The following RALGAPB variants were observed in gnomAD, a reference collection of about 807,000 sequenced individuals.
RALGAPB encodes the protein ral GTPase-activating protein subunit beta.
In RALGAPB, 25 loss-of-function variants were observed where a neutral mutation model predicts 161.1. That is an observed-to-expected ratio of 0.16 (90% confidence interval 0.11 to 0.22). The LOEUF is 0.22. RALGAPB is among the 10% of genes least tolerant of loss of function. The probability of loss-of-function intolerance (pLI) is 1.00; values close to 1 mark genes in which losing one functional copy is unlikely to be tolerated. For missense variants in RALGAPB, 1,391 were observed against 1,815.2 expected (o/e 0.77, Z 4.25); for synonymous variants, 629 against 626.1 (o/e 1.00, Z -0.07).
At chr20:38,532,603 G>A in intron 14 of RALGAPB, 127 bp from the exon 15 acceptor site, 1 of 1,122,432 alleles carries the variant, frequency 8.9e-7, no homozygotes, top group Non-Finnish European at 1.3e-6. Flanking sequence ...GTCAATTTCT[G>A]TTACTATCAG....
chr20:38,536,561 G>A (rs527716252), intron 16 of RALGAPB, among the ~76,000 whole-genome samples: 24 of 152,292 alleles, frequency 1.6e-4, no homozygotes, highest in African/African-American at 5.8e-4. Flanking sequence ...GTTTTTCACA[G>A]TGACTGAATC....
At chr20:38,524,647 A>G (rs143844916) in intron 10 of RALGAPB, 131 bp from the exon 11 acceptor site, 9,267 of 700,644 alleles carry the variant, frequency 0.013, 124 homozygotes, top group South Asian at 0.035. Flanking sequence ...AGTAATTCCA[A>G]TAATGTCCTT....
rs745444282 is a variant in RALGAPB at position 38,517,488 on chromosome 20, CTTT to C, written c.1052-6_1052-4del. 1,335 of 1,315,220 alleles carry C rather than the reference CTTT, an allele frequency of 1.0e-3. 7 individuals are homozygous for C. The African/African-American group carries it at 0.018, about 18-fold the overall frequency. 81.5% of individuals were successfully genotyped at this position (1,315,220 alleles called of 1,614,324 possible). Reference sequence around the variant, plus strand: ...ACCTATGAAGAATAATTTCATTTGTCTTTTTTTTTTTTTTAAGGTATTTCTAGA... The same window carrying C: ...ACCTATGAAGAATAATTTCATTTGTCTTTTTTTTTTTAAGGTATTTCTAGA... On this transcript the variant is annotated splice_polypyrimidine_tract_variant and intron_variant, in intron 7 of 29. Transcript: ENST00000262879.
At chr20:38,498,507 T>G (rs916793166) in intron 4 of RALGAPB, among the ~76,000 whole-genome samples, 1 of 152,250 alleles carries the variant, frequency 6.6e-6, no homozygotes, top group Non-Finnish European at 1.5e-5. Flanking sequence ...GCAATGATAG[T>G]AATACTCTGT....
Position 38,562,566 on chromosome 20 carries a change from A to G in RALGAPB, c.3566A>G (p.Gln1189Arg). The G allele has an allele frequency of 2.5e-6, 4 of 1,613,146 alleles. No individual in the cohort carries two copies. The highest frequency in any genetic ancestry group is 3.4e-6 in the Non-Finnish European group (4 of 1,179,242). ...AATGTGGAGTCTTCCAGAACTGTTCAGCCACATTTCCTAGAATTTTTGCTT... is the reference window on the plus strand; with the variant it reads ...AATGTGGAGTCTTCCAGAACTGTTCGGCCACATTTCCTAGAATTTTTGCTT... The part of the protein sequence containing the change: ...LKNVESSRTV[Q>R]PHFLEFLLSL... Residue 1189 changes from glutamine (Q) to arginine (R), a missense_variant, in exon 24 of 30, where the codon CAG becomes CGG. This residue lies in a region of RALGAPB where 436 missense variants were observed against 527.0 expected (regional missense o/e 0.83). Transcript: ENST00000262879.
At chr20:38,478,723 TCTC>T (rs2084878131) in intron 1 of RALGAPB, among the ~76,000 whole-genome samples, 1 of 152,128 alleles carries the variant, frequency 6.6e-6, no homozygotes, top group African/African-American at 2.4e-5. Flanking sequence ...TTCAAGTGAT[TCTC>T]CTCCCTCAGC....
Position 38,493,037 on chromosome 20 carries a change from G to A in RALGAPB, c.294G>A (p.Val98=). ...ATACAGACTGGATTATGGCTTTAGT[G>A]TTGCCAAAAGATTCTATTCCATTGC... ...DVYTDWIMAL[V]LPKDSIPLPV... Residue 98 remains valine (V), a synonymous_variant, in exon 3 of 30, where the codon GTG becomes GTA. Coordinates refer to ENST00000262879, the MANE Select transcript of RALGAPB (RefSeq NM_020336.4). 6.2e-7 allele frequency: 1 copy of A among 1,611,434 alleles called. No individual in the cohort carries two copies. Among genetic ancestry groups the A allele is most frequent in the East Asian group, 2.2e-5 (1 of 44,756 alleles).
At chr20:38,523,675 G>T (rs1393514841) in intron 10 of RALGAPB, among the ~76,000 whole-genome samples, 1 of 152,180 alleles carries the variant, frequency 6.6e-6, no homozygotes, top group African/African-American at 2.4e-5. Context: ...TCAGTTGAGA[G>T]GTGTGGGTTA....
intron 10 of RALGAPB, 88 bp downstream of exon 10, chr20:38,521,786 T>A: frequency 7.6e-7 from 1 of 1,309,334 alleles, no homozygotes; most frequent in Non-Finnish European, 1.1e-6. Context: ...TGAGTGATGT[T>A]GGTCTGAAAT....
At chr20:38,551,036 C>T in intron 20 of RALGAPB, 35 bp from the exon 21 acceptor site, 2 of 1,606,802 alleles carry the variant, frequency 1.2e-6, no homozygotes, top group Non-Finnish European at 1.7e-6. Flanking sequence ...GTATTGGACC[C>T]TGTGTAATAA....
intron 3 of RALGAPB, among the ~76,000 whole-genome samples, chr20:38,496,362 G>A (rs2085427910): frequency 6.6e-6 from 1 of 152,126 alleles, no homozygotes; most frequent in Admixed American, 6.5e-5. Flanking sequence ...ATTTCTTGAG[G>A]AAACTCCCCA....
chr20:38,507,016 T>C (rs1366107463), intron 5 of RALGAPB, among the ~76,000 whole-genome samples: 1 of 152,192 alleles, frequency 6.6e-6, no homozygotes, highest in Non-Finnish European at 1.5e-5. Context: ...GGATGATTGC[T>C]TTAAAAAAAT....
Position 38,529,830 on chromosome 20 carries a change from G to A in RALGAPB, c.2051-1337G>A, listed in dbSNP as rs533438670. On this transcript the variant is annotated intron_variant, in intron 13 of 29. Coordinates refer to ENST00000262879, the MANE Select transcript of RALGAPB (RefSeq NM_020336.4). ...GACTCCAGCCTGGGTGACGGAGTGA[G>A]GCTCCATCTCAAAAAAAAGAAAATC... 2.6e-5 allele frequency among the ~76,000 whole-genome samples: 4 copies of A among 152,220 alleles called. No homozygotes were observed. In the East Asian group the frequency reaches 5.8e-4, roughly 22 times the overall value.
intron 23 of RALGAPB, among the ~76,000 whole-genome samples, chr20:38,560,739 G>A (rs993817440): frequency 6.6e-6 from 1 of 152,138 alleles, no homozygotes; most frequent in Non-Finnish European, 1.5e-5. Flanking sequence ...GAAGCTGAGG[G>A]TGACTAGGAA....
Position 38,546,119 on chromosome 20 carries a change from C to G in RALGAPB, c.2715-124C>G. ...CATTCACCACAAGGAGTAAATCTGA[C>G]CTGTCAAGAAGCATGGCTGTGGTCA... On this transcript the variant is annotated intron_variant, in intron 18 of 29. Transcript: ENST00000262879. 3 of 1,511,104 alleles carry G rather than the reference C, an allele frequency of 2.0e-6. No homozygotes were observed. In the South Asian group the frequency reaches 3.9e-5, roughly 19 times the overall value. 93.6% of individuals were successfully genotyped at this position (1,511,104 alleles called of 1,614,324 possible).
rs1199857410 is a variant in RALGAPB, at chr20:38,521,469, T to G, written c.1418-28T>G. 1.9e-6 allele frequency: 3 copies of G among 1,613,428 alleles called. No individual in the cohort carries two copies. In the African/African-American group the frequency reaches 4.0e-5, roughly 22 times the overall value. On this transcript the variant is annotated intron_variant, in intron 9 of 29. Coordinates refer to ENST00000262879, the MANE Select transcript of RALGAPB (RefSeq NM_020336.4). ...GAGCCTACGTGGCATATTGCAAATA[T>G]AATAAAACCCTCCTTTTCTCTCCCC...
chr20:38,574,289 C>G lies in RALGAPB; in HGVS notation c.4282C>G (p.Arg1428Gly), dbSNP rs749735910. 1 of 1,609,406 alleles carries G rather than the reference C, an allele frequency of 6.2e-7. No homozygotes were observed. The highest frequency in any genetic ancestry group is 1.1e-5 in the South Asian group (1 of 90,060). Residue 1428 changes from arginine to glycine, a missense_variant, in exon 29 of 30, where the codon CGA becomes GGA. Arg to Gly is a moderately radical substitution (Grantham distance 125). Transcript: ENST00000262879. ...PLVDGMIVSR[R>G]ALGFLVRQTV... ...TGTGGATGGGATGATTGTCAGCAGG[C>G]GAGCTCTTGGTAAGGTCTTCATATG...
chr20:38,526,640 T>G (rs1026623064), intron 13 of RALGAPB, among the ~76,000 whole-genome samples: 3 of 152,200 alleles, frequency 2.0e-5, no homozygotes, highest in Non-Finnish European at 4.4e-5. Context: ...ATTATCTTAT[T>G]TCATCATTTT....
rs2088462218 is a variant in RALGAPB at position 38,576,982 on chromosome 20, T to C, written c.*2015T>C. On this transcript the variant is annotated 3_prime_UTR_variant, in exon 30 of 30. Coordinates refer to ENST00000262879, the MANE Select transcript of RALGAPB (RefSeq NM_020336.4). ...GGGTTGGTCTTGCTGATCCTTCAGT[T>C]AGCTCTAAATTCTGGCAACTCCTTG... 6.6e-6 allele frequency: 1 copy of C among 152,644 alleles called. No individual in the cohort carries two copies. The highest frequency in any genetic ancestry group is 1.5e-5 in the Non-Finnish European group (1 of 68,046). The allele number at this position is 152,644 out of a possible 1,614,324, so 9.5% of individuals were successfully genotyped here.
Sources: gnomAD v4.1 joint callset for allele counts (sites outside exome capture counted in the v4.1 genomes callset) on GRCh38, gnomAD v4.1.1 for gene constraint, gnomAD v4.1.1 regional missense constraint, MANE v1.5 for transcripts, NCBI Gene and HGNC (gene_info 2026-07-23, HGNC 2026-07-21) for gene names.